Variants in HAUS6 observed in about 807,000 individuals in gnomAD.
HAUS6 encodes the protein HAUS augmin-like complex subunit 6.
A neutral mutation model predicts 106.8 loss-of-function variants in HAUS6; 80 were observed. The observed-to-expected ratio is 0.75, with a 90% CI of 0.63 to 0.90. HAUS6 has a LOEUF of 0.90. HAUS6 is among the 40% of genes least tolerant of loss of function. The pLI is 0.00. For synonymous variants in HAUS6, 356 were observed against 379.1 expected, an observed-to-expected ratio of 0.94 and a Z score of 0.71; for missense variants, 1,155 against 1,118.1, an observed-to-expected ratio of 1.03 and a Z score of -0.47.
At position 19,058,255 on chromosome 9, in the gene HAUS6, C is replaced by G. The variant is rs1378180924; in HGVS notation, c.2512G>C (p.Glu838Gln). The change falls in exon 16 of 17, where the codon GAG becomes CAG. Residue 838 changes from glutamate to glutamine, a missense_variant. By Grantham distance (29) the Glu-to-Gln change is conservative. Around this residue, in one of 3 missense-constraint regions of HAUS6, gnomAD observed 380 missense variants for 394.8 expected, o/e 0.96. Coordinates refer to ENST00000380502, the MANE Select transcript of HAUS6 (RefSeq NM_017645.5). ...FNLQALRSRY[E>Q]ALKKSLSKKR... ...TTGGAAAGAGATTTCTTCAGAGCCT[C>G]GTATCTACTGCGAAGAGCCTGTAAA... 1 of 1,613,712 alleles carries G rather than the reference C, an allele frequency of 6.2e-7. No individual in the cohort carries two copies. The highest frequency in any genetic ancestry group is 1.3e-5 in the African/African-American group (1 of 74,878).
chr9:19,091,519 AGTAGCAGAAAAACTG>A lies in HAUS6; in HGVS notation c.436+1637_436+1651del, dbSNP rs538996562. ...TACATGTAATTGGGGCAGATCATCCAGTAGCAGAAAAACTGGAAACATTCTTATATTACATTTGTA... is the reference window on the plus strand; with the variant it reads ...TACATGTAATTGGGGCAGATCATCCAGAAACATTCTTATATTACATTTGTA... On this transcript the variant is annotated intron_variant, in intron 4 of 16. Coordinates refer to ENST00000380502, the MANE Select transcript of HAUS6 (RefSeq NM_017645.5). Among the ~76,000 whole-genome samples the A allele has an allele frequency of 9.2e-5, 14 of 152,278 alleles. No individual in the cohort carries two copies. The East Asian group carries it at 2.5e-3, about 27-fold the overall frequency.
intron 1 of HAUS6, among the ~76,000 whole-genome samples, chr9:19,098,279 A>T (rs896117565): frequency 6.6e-6 from 1 of 152,078 alleles, no homozygotes; most frequent in Non-Finnish European, 1.5e-5. Context: ...CTCCACTAAA[A>T]ATACAAAAAT....
In HAUS6 at chr9:19,093,338, T is replaced by A. The variant is rs142321991; in HGVS notation, c.304-35A>T. The A allele has an allele frequency of 2.5e-5, 39 of 1,545,676 alleles. 1 individual carries two copies. The African/African-American group carries it at 4.4e-4, about 17-fold the overall frequency. ...AAAGAAATAAGATGATTTGAAGACC[T>A]TGTTAACAATAACTCTTACATTTAC... is the stretch of plus-strand genomic sequence containing the variant. On this transcript the variant is annotated intron_variant, in intron 3 of 16. Transcript: ENST00000380502.
chr9:19,093,197 A>ATTG lies in HAUS6; in HGVS notation c.407_409dup (p.Ala136_Met137insThr), dbSNP rs757332724. 6.3e-7 allele frequency: 1 copy of ATTG among 1,594,060 alleles called. No individual in the cohort carries two copies. The highest frequency in any genetic ancestry group is 1.1e-5 in the South Asian group (1 of 88,750). On this transcript the variant is annotated inframe_insertion, in exon 4 of 17. Coordinates refer to ENST00000380502, the MANE Select transcript of HAUS6 (RefSeq NM_017645.5). ...TTTAGAATTGGATTTAATATATTTC[A>ATTG]TTGCAACAAATCTTGCAAAATGATA...
rs140070990 is a variant in HAUS6, at chr9:19,095,923, T to A, written c.224+751A>T. Among the ~76,000 whole-genome samples the A allele has an allele frequency of 4.1e-3, 621 of 151,956 alleles. 2 individuals carry two copies. Among genetic ancestry groups the A allele is most frequent in the African/African-American group, 0.014 (596 of 41,448 alleles). On this transcript the variant is annotated intron_variant, in intron 2 of 16. Transcript: ENST00000380502. Reference sequence around the variant, plus strand: ...AGCAATTGATGCTTTAATATATCAATGAAAAAAATAAGGATTTACAGATAG... The same window carrying A: ...AGCAATTGATGCTTTAATATATCAAAGAAAAAAATAAGGATTTACAGATAG...
chr9:19,102,300 T>C (rs935121879), intron 1 of HAUS6, among the ~76,000 whole-genome samples: 3 of 152,134 alleles, frequency 2.0e-5, no homozygotes, highest in African/African-American at 4.8e-5. Context: ...CTGCAGACTT[T>C]TGCACTCCCC....
At chr9:19,093,016 A>C (rs1817787626) in intron 4 of HAUS6, among the ~76,000 whole-genome samples, 155 bp downstream of exon 4, 1 of 152,118 alleles carries the variant, frequency 6.6e-6, no homozygotes, top group African/African-American at 2.4e-5. Flanking sequence ...ATTTTAAAGT[A>C]CACTTCCAGT....
At chr9:19,094,810 G>A (rs1262774632) in intron 2 of HAUS6, among the ~76,000 whole-genome samples, 1 of 151,938 alleles carries the variant, frequency 6.6e-6, no homozygotes, top group East Asian at 1.9e-4. Context: ...AAAGTGAAAT[G>A]AATTAAAGCT....
intron 1 of HAUS6, among the ~76,000 whole-genome samples, chr9:19,099,430 T>A (rs796863334): frequency 1.8e-4 from 27 of 152,194 alleles, no homozygotes; most frequent in African/African-American, 6.3e-4. Context: ...CCTCCCAAAG[T>A]GCTGGAATTA....
chr9:19,096,753 G>C lies in HAUS6; in HGVS notation c.145C>G (p.Leu49Val). The change falls in exon 2 of 17, where the codon CTG (leucine) becomes GTG (valine). Residue 49 changes from leucine (L) to valine (V), a missense_variant. Physicochemically the swap from Leu to Val is conservative, Grantham distance 32 (BLOSUM62 1). Around this residue, in one of 3 missense-constraint regions of HAUS6, gnomAD observed 761 missense variants for 690.0 expected, o/e 1.10. Coordinates refer to ENST00000380502, the MANE Select transcript of HAUS6 (RefSeq NM_017645.5). Reference protein sequence around the residue: ...THLGVNMFDKLNRDAFHIISY... With the variant: ...THLGVNMFDKVNRDAFHIISY... ...ATTATATGAAAGGCATCACGGTTCA[G>C]CTTGTCAAACATGTTCCTAGTGGTT... 1 of 1,544,810 alleles carries C rather than the reference G, an allele frequency of 6.5e-7. No individual in the cohort carries two copies. The highest frequency in any genetic ancestry group is 8.8e-7 in the Non-Finnish European group (1 of 1,136,256).
rs141127404 is a variant in HAUS6, at chr9:19,083,033, A to G, written c.710T>C (p.Leu237Ser). 2.5e-6 allele frequency: 4 copies of G among 1,581,314 alleles called. No individual in the cohort carries two copies. In the African/African-American group the frequency reaches 4.1e-5, roughly 16 times the overall value. The change falls in exon 8 of 17, where the codon TTG becomes TCG. Residue 237 changes from leucine to serine, a missense_variant. This residue lies in a region of HAUS6 where 761 missense variants were observed against 690.0 expected (regional missense o/e 1.10). Transcript: ENST00000380502. ...GAGCGTTTCATTCACTGAAGCCCAC[A>G]AAGACCGAACCTTTGGAAACAGAAA... ...MEEKIQKVRS[L>S]WASVNETLMF...
chr9:19,088,403 G>A (rs1310271667), intron 5 of HAUS6, among the ~76,000 whole-genome samples: 3 of 143,964 alleles, frequency 2.1e-5, no homozygotes, highest in Admixed American at 7.1e-5. Flanking sequence ...GCAACAGAGT[G>A]AGACTCCGTC....
At position 19,058,792 on chromosome 9, in the gene HAUS6, T is replaced by C. The variant is rs748127295; in HGVS notation, c.1975A>G (p.Ile659Val). ...TGAGGCACACACTCGCAATCTGAAATAACTTTCTCTTCAGTCAAATGAGAC... is the reference window on the plus strand; with the variant it reads ...TGAGGCACACACTCGCAATCTGAAACAACTTTCTCTTCAGTCAAATGAGAC... Reference protein sequence around the residue: ...GQSHLTEEKVISDCECVPQKH... With the variant: ...GQSHLTEEKVVSDCECVPQKH... Residue 659 changes from isoleucine to valine, a missense_variant, in exon 16 of 17, where the codon ATT (isoleucine) becomes GTT (valine). This residue lies in a region of HAUS6 where 380 missense variants were observed against 394.8 expected (regional missense o/e 0.96). Transcript: ENST00000380502. 1.2e-6 allele frequency: 2 copies of C among 1,614,110 alleles called. No homozygotes were observed. Among genetic ancestry groups the C allele is most frequent in the African/African-American group, 2.7e-5 (2 of 74,938 alleles).
chr9:19,089,356 G>A (rs1817696382), intron 5 of HAUS6, 56 bp downstream of exon 5: 6 of 1,093,268 alleles, frequency 5.5e-6, no homozygotes, highest in Middle Eastern at 2.3e-4. Context: ...ACATTATATT[G>A]GTGACATCTG....
At chr9:19,079,988 A>G (rs1041808398) in intron 9 of HAUS6, among the ~76,000 whole-genome samples, 1 of 151,722 alleles carries the variant, frequency 6.6e-6, no homozygotes, top group Non-Finnish European at 1.5e-5. Context: ...CAGCCTGACC[A>G]ACATGGAGAA....
At chr9:19,082,675 G>A (rs1190231273) in intron 8 of HAUS6, among the ~76,000 whole-genome samples, 198 bp downstream of exon 8, 1 of 152,028 alleles carries the variant, frequency 6.6e-6, no homozygotes, top group Admixed American at 6.6e-5. Flanking sequence ...GAACCTGGGA[G>A]GCGGAGGTTG....
chr9:19,086,933 A>C, intron 6 of HAUS6, 151 bp from the exon 7 acceptor site: 1 of 619,894 alleles, frequency 1.6e-6, no homozygotes. Context: ...TTTATTAGGA[A>C]AACTGGATTA....
chr9:19,057,000 G>C (rs929165049), intron 16 of HAUS6: 1 of 152,140 alleles, frequency 6.6e-6, no homozygotes, highest in Non-Finnish European at 1.5e-5. Flanking sequence ...TGAGCTACAA[G>C]AGCAATTTTT....
In HAUS6 at chr9:19,058,072, A is replaced by G. The variant is rs765197712; in HGVS notation, c.2695T>C (p.Ser899Pro). ...TEHIKPSLRTSIGERKRSLSP... is the reference protein window; with the variant it reads ...TEHIKPSLRTPIGERKRSLSP... The stretch of plus-strand genomic sequence containing the variant: ...AGAGACCGTTTTCTTTCACCGATGG[A>G]CGTGCGTAAAGATGGCTTTATATGC... Residue 899 changes from serine (S) to proline (P), a missense_variant, in exon 16 of 17, where the codon TCC (serine) becomes CCC (proline). By Grantham distance (74) the Ser-to-Pro change is moderately conservative. This residue lies in a region of HAUS6 where 380 missense variants were observed against 394.8 expected (regional missense o/e 0.96). Coordinates refer to ENST00000380502, the MANE Select transcript of HAUS6 (RefSeq NM_017645.5). 1.9e-6 allele frequency: 3 copies of G among 1,614,002 alleles called. No individual in the cohort carries two copies. Among genetic ancestry groups the G allele is most frequent in the Non-Finnish European group, 2.5e-6 (3 of 1,179,842 alleles).
Sources: allele counts gnomAD v4.1 joint callset (sites outside exome capture counted in the v4.1 genomes callset), GRCh38; gene constraint gnomAD v4.1.1; regional missense constraint gnomAD v4.1.1; transcripts MANE v1.5; gene names NCBI Gene and HGNC (gene_info 2026-07-23, HGNC 2026-07-21).